The following LRRC4C variants were observed in gnomAD, a reference collection of about 807,000 sequenced individuals.
LRRC4C encodes leucine-rich repeat-containing protein 4C.
Under a neutral mutation model 33.6 loss-of-function variants are expected in LRRC4C, and 5 were observed. The observed-to-expected ratio is 0.15, with a 90% CI of 0.08 to 0.31. The LOEUF (loss-of-function observed/expected upper bound fraction) is 0.31, where lower values mean the gene tolerates loss of function less well. LRRC4C is among the 10% of genes least tolerant of loss of function. The pLI, the probability that LRRC4C is intolerant of heterozygous loss-of-function variation, is 1.00. For missense variants in LRRC4C, 560 were observed against 796.7 expected (o/e 0.70, Z 3.58); for synonymous variants, 329 against 302.0 (o/e 1.09, Z -0.93).
intron 1 of LRRC4C, among the ~76,000 whole-genome samples, chr11:41,248,304 A>G (rs1948519287): frequency 6.6e-6 from 1 of 152,062 alleles, no homozygotes; most frequent in Admixed American, 6.5e-5. Context: ...TCTCCTCTCT[A>G]TTCTCCTGGA....
At chr11:40,259,335 C>T (rs574697662) in intron 4 of LRRC4C, among the ~76,000 whole-genome samples, 2 of 149,634 alleles carry the variant, frequency 1.3e-5, no homozygotes, top group South Asian at 2.1e-4. Flanking sequence ...GAGTAGGTTG[C>T]AAAAATTTTC....
At chr11:41,238,924 A>AGTATGTC (rs913807689) in intron 1 of LRRC4C, among the ~76,000 whole-genome samples, 2 of 152,098 alleles carry the variant, frequency 1.3e-5, no homozygotes, top group African/African-American at 4.8e-5. Context: ...TCTAAGATGC[A>AGTATGTC]GTATGTCCCT....
chr11:40,537,260 A>C (rs77466951), intron 3 of LRRC4C, among the ~76,000 whole-genome samples: 2,520 of 152,304 alleles, frequency 0.017, 86 homozygotes, highest in African/African-American at 0.057. Flanking sequence ...TAGTGACAGC[A>C]CGCTCTATTC....
At chr11:40,974,267 T>C (rs770806168) in intron 1 of LRRC4C, among the ~76,000 whole-genome samples, 9 of 152,182 alleles carry the variant, frequency 5.9e-5, no homozygotes, top group Non-Finnish European at 1.3e-4. Flanking sequence ...CTAATCTCTC[T>C]TGTTATTGAT....
chr11:41,439,999 A>G (rs939469231), intron 1 of LRRC4C, among the ~76,000 whole-genome samples: 3 of 152,036 alleles, frequency 2.0e-5, no homozygotes, highest in African/African-American at 7.2e-5. Context: ...GTTTAAGTCA[A>G]ATTTGTCTAG....
rs201254306 is a variant in LRRC4C at position 40,775,724 on chromosome 11, G to C, written c.-406-127446C>G. ...TACAAAATCATATTGTAAGTAAAGAGAGAGAATTTGACTTTTGCTTTTTCT... is the reference window on the plus strand; with the variant it reads ...TACAAAATCATATTGTAAGTAAAGACAGAGAATTTGACTTTTGCTTTTTCT... On this transcript the variant is annotated intron_variant, in intron 2 of 6. Coordinates refer to ENST00000528697, the MANE Select transcript of LRRC4C (RefSeq NM_001258419.2). Among the ~76,000 whole-genome samples, 10 of 152,302 alleles carry C rather than the reference G, an allele frequency of 6.6e-5. 1 individual carries two copies. In the East Asian group the frequency reaches 1.9e-3, roughly 29 times the overall value.
intron 1 of LRRC4C, among the ~76,000 whole-genome samples, chr11:41,061,320 CA>C (rs1351378807): frequency 2.0e-5 from 3 of 152,152 alleles, no homozygotes; most frequent in South Asian, 4.2e-4. Flanking sequence ...CAGTTTTTAT[CA>C]AAGGATTTCC....
chr11:41,084,724 C>T (rs1177675942), intron 1 of LRRC4C, among the ~76,000 whole-genome samples: 2 of 152,112 alleles, frequency 1.3e-5, no homozygotes, highest in Non-Finnish European at 2.9e-5. Flanking sequence ...TGGTGGGCAT[C>T]TGTAAACCCA....
chr11:41,373,902 G>A (rs768954), intron 1 of LRRC4C, among the ~76,000 whole-genome samples: 108,702 of 152,054 alleles, frequency 0.71, 39,217 homozygotes, highest in East Asian at 0.83. Flanking sequence ...GCTTTTGAAT[G>A]TTGGATAATA....
intron 1 of LRRC4C, among the ~76,000 whole-genome samples, chr11:41,160,453 A>C (rs2136021517): frequency 6.6e-6 from 1 of 152,054 alleles, no homozygotes; most frequent in South Asian, 2.1e-4. Context: ...TACCACTAGA[A>C]ATTTTTATCA....
In LRRC4C at chr11:41,165,979, C is replaced by T. The variant is rs149677910; in HGVS notation, c.-495-232256G>A. On this transcript the variant is annotated intron_variant, in intron 1 of 6. Coordinates refer to ENST00000528697, the MANE Select transcript of LRRC4C (RefSeq NM_001258419.2). Reference sequence around the variant, plus strand: ...CCAGGAGGCGGAGGTTGCAGTGAGTCGAAATCGTGCCATTGCACTCCAGCC... The same window carrying T: ...CCAGGAGGCGGAGGTTGCAGTGAGTTGAAATCGTGCCATTGCACTCCAGCC... Among the ~76,000 whole-genome samples the T allele has an allele frequency of 6.2e-3, 937 of 150,544 alleles. 15 individuals carry two copies. The highest frequency in any genetic ancestry group is 0.022 in the African/African-American group (887 of 40,892).
At position 40,252,620 on chromosome 11, in the gene LRRC4C, C is replaced by T. The variant is rs570822178; in HGVS notation, c.-175-11022G>A. ...GTTTCTGTGTGGAGCAGAGATAGCT[C>T]GAAACCCACAGGATGGCAAAGATTA... On this transcript the variant is annotated intron_variant, in intron 4 of 6. Coordinates refer to ENST00000528697, the MANE Select transcript of LRRC4C (RefSeq NM_001258419.2). Among the ~76,000 whole-genome samples the T allele has an allele frequency of 1.1e-4, 16 of 152,222 alleles. No homozygotes were observed. In the South Asian group the frequency reaches 1.7e-3, roughly 16 times the overall value.
At chr11:41,124,472 G>T (rs1316318768) in intron 1 of LRRC4C, among the ~76,000 whole-genome samples, 1 of 152,164 alleles carries the variant, frequency 6.6e-6, no homozygotes, top group Non-Finnish European at 1.5e-5. Flanking sequence ...TCGTTCTACA[G>T]CACTTGGCAA....
chr11:41,292,205 T>C lies in LRRC4C; in HGVS notation c.-496+167226A>G, dbSNP rs537675118. 3.3e-5 allele frequency among the ~76,000 whole-genome samples: 5 copies of C among 152,230 alleles called. No homozygotes were observed. The East Asian group carries it at 9.7e-4, about 29-fold the overall frequency. On this transcript the variant is annotated intron_variant, in intron 1 of 6. Transcript: ENST00000528697. ...CAGCTATTTGACTCACTTTAGCTAA[T>C]TAATTTAAGAAGATGTAATGTGAGC...
At chr11:41,331,434 T>A (rs1020889566) in intron 1 of LRRC4C, among the ~76,000 whole-genome samples, 1 of 152,042 alleles carries the variant, frequency 6.6e-6, no homozygotes, top group Admixed American at 6.6e-5. Flanking sequence ...GATTTCATAG[T>A]TTTTAATGCA....
At chr11:41,380,682 C>T (rs975077542) in intron 1 of LRRC4C, among the ~76,000 whole-genome samples, 2 of 151,972 alleles carry the variant, frequency 1.3e-5, no homozygotes, top group Non-Finnish European at 2.9e-5. Context: ...AAAAATGAAA[C>T]ACTGAAGTCG....
At chr11:41,391,215 A>G (rs982491387) in intron 1 of LRRC4C, among the ~76,000 whole-genome samples, 1 of 151,782 alleles carries the variant, frequency 6.6e-6, no homozygotes, top group Non-Finnish European at 1.5e-5. Context: ...TCAGTGTTCT[A>G]TACTCAGTAA....
At chr11:40,731,850 G>A (rs1321188386) in intron 2 of LRRC4C, among the ~76,000 whole-genome samples, 1 of 151,946 alleles carries the variant, frequency 6.6e-6, no homozygotes, top group East Asian at 1.9e-4. Flanking sequence ...TAAATGAAAG[G>A]TGCTTTGTTA....
At chr11:40,825,844 C>G (rs1952138671) in intron 2 of LRRC4C, among the ~76,000 whole-genome samples, 1 of 149,516 alleles carries the variant, frequency 6.7e-6, no homozygotes, top group African/African-American at 2.5e-5. Context: ...AGGAAAGAAG[C>G]CAGTTGTATA....
Sources: allele counts gnomAD v4.1 joint callset (sites outside exome capture counted in the v4.1 genomes callset), GRCh38; gene constraint gnomAD v4.1.1; transcripts MANE v1.5; gene names NCBI Gene and HGNC (gene_info 2026-07-23, HGNC 2026-07-21).